APPBP2: variants seen among roughly 807,000 people sequenced by gnomAD.
APPBP2 encodes the protein amyloid beta precursor protein binding protein 2.
Under a neutral mutation model 76.0 loss-of-function variants are expected in APPBP2, and 15 were observed. The observed-to-expected ratio is 0.20, with a 90% CI of 0.13 to 0.30. The LOEUF is 0.30. APPBP2 is among the 10% of genes least tolerant of loss of function. The probability of loss-of-function intolerance (pLI) is 1.00; values close to 1 mark genes in which losing one functional copy is unlikely to be tolerated. For missense variants in APPBP2, 401 were observed against 687.2 expected, an observed-to-expected ratio of 0.58 and a Z score of 4.66; for synonymous variants, 222 against 242.2, an observed-to-expected ratio of 0.92 and a Z score of 0.77.
chr17:60,477,817 AAT>A (rs2090601668), intron 4 of APPBP2, among the ~76,000 whole-genome samples: 1 of 151,566 alleles, frequency 6.6e-6, no homozygotes, highest in African/African-American at 2.4e-5. Context: ...AAAAAAAAAA[AAT>A]AGAGTTTTAC....
chr17:60,445,503 A>G lies in APPBP2; in HGVS notation c.*2078T>C, dbSNP rs2090338675. The stretch of plus-strand genomic sequence containing the variant: ...AATATTTATTGAAAAACAATTTACC[A>G]TGACATTCCTATACCACAAACATAC... On this transcript the variant is annotated 3_prime_UTR_variant, in exon 13 of 13. Transcript: ENST00000083182. 1 of 152,674 alleles carries G rather than the reference A, an allele frequency of 6.5e-6. No individual in the cohort carries two copies. The highest frequency in any genetic ancestry group is 2.4e-5 in the African/African-American group (1 of 41,468). 9.5% of individuals were successfully genotyped at this position (152,674 alleles called of 1,614,324 possible).
chr17:60,492,700 AC>A (rs1383155016), intron 3 of APPBP2, among the ~76,000 whole-genome samples: 9 of 152,074 alleles, frequency 5.9e-5, no homozygotes, highest in African/African-American at 1.7e-4. Context: ...CAATGCATGT[AC>A]CCCCACTGTA....
chr17:60,502,925 T>G lies in APPBP2; in HGVS notation c.139-2438A>C, dbSNP rs1365627066. On this transcript the variant is annotated intron_variant, in intron 1 of 12. Coordinates refer to ENST00000083182, the MANE Select transcript of APPBP2 (RefSeq NM_006380.5). ...CCTAAAAACAAAATTTTATGTTATC[T>G]TACAATTCACTGCATTCCTTTAATG... is the stretch of plus-strand genomic sequence containing the variant. Among the ~76,000 whole-genome samples the G allele has an allele frequency of 4.1e-5, 6 of 146,776 alleles. 2 individuals carry two copies. The highest frequency in any genetic ancestry group is 1.7e-4 in the African/African-American group (6 of 36,222).
chr17:60,493,096 G>T (rs536459909), intron 3 of APPBP2, among the ~76,000 whole-genome samples: 7 of 152,260 alleles, frequency 4.6e-5, no homozygotes, highest in African/African-American at 1.7e-4. Flanking sequence ...CCTATCTCTT[G>T]GCTCTCATTC....
chr17:60,449,805 A>AT (rs903208491), intron 12 of APPBP2, among the ~76,000 whole-genome samples: 1 of 150,846 alleles, frequency 6.6e-6, no homozygotes, highest in Admixed American at 6.6e-5. Flanking sequence ...AGATTTCCAT[A>AT]TTTTTTTTTG....
chr17:60,483,477 T>C (rs1227624687), intron 3 of APPBP2, among the ~76,000 whole-genome samples: 1 of 152,128 alleles, frequency 6.6e-6, no homozygotes, highest in Non-Finnish European at 1.5e-5. Flanking sequence ...CACTGCAAGC[T>C]CTGCCTCCTG....
chr17:60,518,288 C>T (rs2090978692), intron 1 of APPBP2, among the ~76,000 whole-genome samples: 1 of 151,994 alleles, frequency 6.6e-6, no homozygotes, highest in Non-Finnish European at 1.5e-5. Flanking sequence ...CTTAAGCAAT[C>T]TGCCTGCCTC....
At chr17:60,477,157 T>C (rs2090596634) in intron 4 of APPBP2, among the ~76,000 whole-genome samples, 1 of 152,168 alleles carries the variant, frequency 6.6e-6, no homozygotes, top group South Asian at 2.1e-4. Context: ...GCAGCCATAA[T>C]GATGTGAGCT....
intron 3 of APPBP2, among the ~76,000 whole-genome samples, chr17:60,492,112 G>C (rs2090734705): frequency 6.6e-6 from 1 of 152,186 alleles, no homozygotes. Flanking sequence ...TAGCTTCCAA[G>C]GGGGCAAGTC....
In APPBP2 at chr17:60,445,547, C is replaced by T. The variant is rs1290339957; in HGVS notation, c.*2034G>A. ...AACATACCACTGGATTCTAAATAAC[C>T]AATAAAAGTATACAAAGCCTATCCT... is the stretch of plus-strand genomic sequence containing the variant. On this transcript the variant is annotated 3_prime_UTR_variant, in exon 13 of 13. Transcript: ENST00000083182. The T allele has an allele frequency of 1.3e-5, 2 of 152,434 alleles. No homozygotes were observed. Among genetic ancestry groups the T allele is most frequent in the Non-Finnish European group, 2.9e-5 (2 of 67,998 alleles). 9.4% of individuals were successfully genotyped at this position (152,434 alleles called of 1,614,324 possible).
chr17:60,499,343 A>C (rs2090803241), intron 2 of APPBP2, among the ~76,000 whole-genome samples: 2 of 152,036 alleles, frequency 1.3e-5, no homozygotes, highest in Admixed American at 1.3e-4. Context: ...AAAAAAAAAA[A>C]AAATATGGAA....
intron 1 of APPBP2, among the ~76,000 whole-genome samples, chr17:60,502,919 G>T: frequency 6.8e-6 from 1 of 146,104 alleles, no homozygotes; most frequent in East Asian, 1.9e-4. Context: ...AAAATTTTAT[G>T]TTATCTTACA....
At chr17:60,476,010 T>C (rs1467857012) in intron 4 of APPBP2, among the ~76,000 whole-genome samples, 1 of 152,208 alleles carries the variant, frequency 6.6e-6, no homozygotes, top group African/African-American at 2.4e-5. Context: ...GCCAGTTCAG[T>C]AACTGTAGTT....
intron 1 of APPBP2, among the ~76,000 whole-genome samples, chr17:60,512,635 G>A (rs2090923771): frequency 6.6e-6 from 1 of 151,210 alleles, no homozygotes; most frequent in Non-Finnish European, 1.5e-5. Context: ...AGAAGTTCAA[G>A]ACCAGACTGG....
At chr17:60,520,337 C>T (rs2090998564) in intron 1 of APPBP2, among the ~76,000 whole-genome samples, 1 of 152,076 alleles carries the variant, frequency 6.6e-6, no homozygotes, top group Non-Finnish European at 1.5e-5. Context: ...CTTCGGGAGG[C>T]CGAGGCAGGC....
rs758451974 is a variant in APPBP2, at chr17:60,494,513, G to A, written c.332C>T (p.Ser111Leu). The change falls in exon 3 of 13, where the codon TCA (serine) becomes TTA (leucine). Residue 111 changes from serine (S) to leucine (L), a missense_variant. Transcript: ENST00000083182. The stretch of plus-strand genomic sequence containing the variant: ...GGCTTTTTCCTTTACTGCAGCATCT[G>A]ATTCTGCTATATAAGAGCACCGCCT... ...FSRRCSYIAE[S>L]DAAVKEKAIQ... 3 of 1,611,714 alleles carry A rather than the reference G, an allele frequency of 1.9e-6. No homozygotes were observed. The highest frequency in any genetic ancestry group is 2.5e-6 in the Non-Finnish European group (3 of 1,179,600).
chr17:60,487,890 T>C (rs2090693499), intron 3 of APPBP2, among the ~76,000 whole-genome samples: 1 of 152,230 alleles, frequency 6.6e-6, no homozygotes, highest in Non-Finnish European at 1.5e-5. Context: ...GGTGTGGATG[T>C]CCTTTTAGTT....
chr17:60,490,117 T>G (rs1361906128), intron 3 of APPBP2, among the ~76,000 whole-genome samples: 2 of 152,152 alleles, frequency 1.3e-5, no homozygotes, highest in Non-Finnish European at 2.9e-5. Flanking sequence ...TACTGTATCT[T>G]GATAGTGATG....
intron 4 of APPBP2, among the ~76,000 whole-genome samples, chr17:60,472,044 T>C (rs574156301): frequency 2.4e-4 from 36 of 152,288 alleles, no homozygotes; most frequent in African/African-American, 8.7e-4. Flanking sequence ...GAGAATCGCT[T>C]GAACCTGGGA....
Sources: gnomAD v4.1 joint callset for allele counts (sites outside exome capture counted in the v4.1 genomes callset) on GRCh38, gnomAD v4.1.1 for gene constraint, MANE v1.5 for transcripts, NCBI Gene and HGNC (gene_info 2026-07-23, HGNC 2026-07-21) for gene names.